LRMDA: variants seen among roughly 807,000 people sequenced by gnomAD.
LRMDA encodes the protein leucine rich melanocyte differentiation associated.
LRMDA carries 18 observed loss-of-function variants against 29.8 expected under a neutral mutation model. The observed-to-expected ratio is 0.60, with a 90% confidence interval of 0.42 to 0.90. The LOEUF (loss-of-function observed/expected upper bound fraction) is 0.90, where lower values mean the gene tolerates loss of function less well. Among genes scored for constraint, LRMDA ranks in the 40% least tolerant of loss-of-function variants. The pLI, the probability that LRMDA is intolerant of heterozygous loss-of-function variation, is 0.00. For synonymous variants in LRMDA, 125 were observed against 109.4 expected (o/e 1.14, Z -0.89); for missense variants, 273 against 273.9 (o/e 1.00, Z 0.02).
At chr10:76,200,626 A>G (rs950088371) in intron 5 of LRMDA, among the ~76,000 whole-genome samples, 5 of 152,046 alleles carry the variant, frequency 3.3e-5, no homozygotes, top group African/African-American at 9.7e-5. Flanking sequence ...TTGCTAATCG[A>G]CTTCATCATA....
At chr10:75,937,370 C>CT (rs1452215605) in intron 2 of LRMDA, among the ~76,000 whole-genome samples, 3 of 152,212 alleles carry the variant, frequency 2.0e-5, no homozygotes, top group African/African-American at 4.8e-5. Flanking sequence ...TTTGGAGCTG[C>CT]TGTTGTATCA....
chr10:75,693,530 A>G (rs150482640), intron 2 of LRMDA, among the ~76,000 whole-genome samples: 1 of 152,332 alleles, frequency 6.6e-6, no homozygotes, highest in Non-Finnish European at 1.5e-5. Context: ...GCATAAAACT[A>G]CAAACTGAAT....
intron 6 of LRMDA, among the ~76,000 whole-genome samples, chr10:76,463,087 G>C (rs1374669883): frequency 1.3e-5 from 2 of 152,180 alleles, no homozygotes. Context: ...CTAGACTGCA[G>C]CTTCAGGGAG....
intron 2 of LRMDA, among the ~76,000 whole-genome samples, chr10:75,741,127 G>A (rs1199285883): frequency 6.6e-6 from 1 of 152,172 alleles, no homozygotes; most frequent in East Asian, 1.9e-4. Flanking sequence ...CTGGTAAAGA[G>A]TATCAGATAG....
chr10:76,518,540 T>C (rs1454426752), intron 6 of LRMDA, among the ~76,000 whole-genome samples: 3 of 152,142 alleles, frequency 2.0e-5, no homozygotes, highest in African/African-American at 7.2e-5. Context: ...GCTGTTATTT[T>C]ATCTACCACT....
chr10:75,540,985 T>A (rs562145546), intron 2 of LRMDA, among the ~76,000 whole-genome samples: 103 of 151,228 alleles, frequency 6.8e-4, no homozygotes, highest in Non-Finnish European at 1.0e-3. Context: ...GTTTTTTTTT[T>A]AAAAAGGAAA....
At chr10:76,107,083 A>G (rs568289389) in intron 5 of LRMDA, among the ~76,000 whole-genome samples, 20 of 152,304 alleles carry the variant, frequency 1.3e-4, no homozygotes, top group Middle Eastern at 3.4e-3. Context: ...CCTAGATTCC[A>G]GGCCTTCTCT....
chr10:76,418,018 G>A (rs1324323435), intron 6 of LRMDA, among the ~76,000 whole-genome samples: 1 of 152,028 alleles, frequency 6.6e-6, no homozygotes, highest in East Asian at 1.9e-4. Context: ...TCTCTTCTGG[G>A]TCAATGCCCT....
At chr10:75,493,281 C>A (rs180910908) in intron 2 of LRMDA, among the ~76,000 whole-genome samples, 1 of 150,064 alleles carries the variant, frequency 6.7e-6, no homozygotes, top group Non-Finnish European at 1.5e-5. Flanking sequence ...GGGAAGTGAG[C>A]GGAATTCTTA....
At chr10:75,727,017 G>T (rs987776809) in intron 2 of LRMDA, among the ~76,000 whole-genome samples, 1 of 152,292 alleles carries the variant, frequency 6.6e-6, no homozygotes, top group African/African-American at 2.4e-5. Context: ...CTTACAAATT[G>T]CTTTCACCTT....
intron 5 of LRMDA, among the ~76,000 whole-genome samples, chr10:76,322,612 A>C (rs1475863700): frequency 6.6e-6 from 1 of 152,218 alleles, no homozygotes; most frequent in African/African-American, 2.4e-5. Flanking sequence ...GATGTTTCTG[A>C]AAAGGTAGCA....
intron 2 of LRMDA, among the ~76,000 whole-genome samples, chr10:75,831,746 C>T (rs1844349731): frequency 6.6e-6 from 1 of 152,246 alleles, no homozygotes; most frequent in Non-Finnish European, 1.5e-5. Context: ...TTCCATAAAT[C>T]TTCTGAAATC....
chr10:76,342,283 A>C (rs1841051271), intron 6 of LRMDA, among the ~76,000 whole-genome samples: 1 of 152,160 alleles, frequency 6.6e-6, no homozygotes, highest in Non-Finnish European at 1.5e-5. Context: ...TTAAAAACAA[A>C]CAAAAAAAAG....
chr10:75,501,630 A>G lies in LRMDA; in HGVS notation c.131+63136A>G, dbSNP rs535533982. Among the ~76,000 whole-genome samples the G allele has an allele frequency of 3.3e-5, 5 of 152,328 alleles. No homozygotes were observed. In the East Asian group the frequency reaches 7.7e-4, roughly 23 times the overall value. ...CAATAACCCAATGGAGAGAATATAA[A>G]CCAAATATTAACTATAACCAGAGTC... On this transcript the variant is annotated intron_variant, in intron 2 of 6. Transcript: ENST00000611255.
chr10:76,375,372 A>G (rs1841504373), intron 6 of LRMDA, among the ~76,000 whole-genome samples: 1 of 152,042 alleles, frequency 6.6e-6, no homozygotes, highest in Non-Finnish European at 1.5e-5. Flanking sequence ...AATCTTTCTC[A>G]GTTTTTCAAT....
intron 2 of LRMDA, among the ~76,000 whole-genome samples, chr10:75,659,409 T>C (rs1841720940): frequency 6.6e-6 from 1 of 152,048 alleles, no homozygotes; most frequent in Admixed American, 6.5e-5. Flanking sequence ...AATTGGCAAA[T>C]AAAAACTGTG....
intron 5 of LRMDA, among the ~76,000 whole-genome samples, chr10:76,314,861 A>G (rs1467654746): frequency 1.3e-5 from 2 of 152,190 alleles, no homozygotes; most frequent in Non-Finnish European, 2.9e-5. Context: ...CGCACAGCTA[A>G]TTCTTTCATG....
chr10:75,568,592 C>T (rs1321450205), intron 2 of LRMDA, among the ~76,000 whole-genome samples: 3 of 152,136 alleles, frequency 2.0e-5, no homozygotes, highest in Non-Finnish European at 2.9e-5. Context: ...GCCTCTTCTA[C>T]TAACTAGCTT....
In LRMDA at chr10:75,837,151, T is replaced by C. The variant is rs114418007; in HGVS notation, c.132-198857T>C. ...TAGTGCTGAGTGTTGATGTAAGAGA[T>C]GTATAAGGCTTGAAACTCTAAGCCT... On this transcript the variant is annotated intron_variant, in intron 2 of 6. Transcript: ENST00000611255. Among the ~76,000 whole-genome samples, 931 of 152,312 alleles carry C rather than the reference T, an allele frequency of 6.1e-3. 14 individuals carry two copies. The highest frequency in any genetic ancestry group is 0.021 in the African/African-American group (883 of 41,576).
Sources: gnomAD v4.1 joint callset for allele counts (sites outside exome capture counted in the v4.1 genomes callset) on GRCh38, gnomAD v4.1.1 for gene constraint, MANE v1.5 for transcripts, NCBI Gene and HGNC (gene_info 2026-07-23, HGNC 2026-07-21) for gene names.